CCSER1: variants seen among roughly 807,000 people sequenced by gnomAD.
The protein encoded by CCSER1 is serine-rich coiled-coil domain-containing protein 1.
In CCSER1, 41 loss-of-function variants were observed where a neutral mutation model predicts 82.0. The ratio of observed to expected loss-of-function variants is 0.50; its 90% confidence interval spans 0.39 to 0.65. CCSER1 has a LOEUF of 0.65. CCSER1 is among the 30% of genes least tolerant of loss of function. The pLI, the probability that CCSER1 is intolerant of heterozygous loss-of-function variation, is 0.00. For synonymous variants in CCSER1, 414 were observed against 383.9 expected, an observed-to-expected ratio of 1.08 and a Z score of -0.92; for missense variants, 1,119 against 1,064.2, an observed-to-expected ratio of 1.05 and a Z score of -0.72.
At chr4:91,225,351 T>C (rs1031917370) in intron 10 of CCSER1, among the ~76,000 whole-genome samples, 1 of 130,746 alleles carries the variant, frequency 7.6e-6, no homozygotes, top group Non-Finnish European at 1.6e-5. Flanking sequence ...GTAATATATA[T>C]GTATATATAT....
chr4:90,653,102 T>C (rs961508340), intron 6 of CCSER1, among the ~76,000 whole-genome samples: 11 of 152,066 alleles, frequency 7.2e-5, no homozygotes, highest in African/African-American at 2.7e-4. Flanking sequence ...CTTTATAAAA[T>C]AGATTTATTT....
intron 10 of CCSER1, among the ~76,000 whole-genome samples, chr4:91,288,096 TATATATATAGG>T (rs1404907019): frequency 1.4e-5 from 2 of 146,462 alleles, no homozygotes; most frequent in African/African-American, 5.1e-5. Flanking sequence ...ATATATAGGA[TATATATATAGG>T]ATATATATAT....
intron 9 of CCSER1, among the ~76,000 whole-genome samples, chr4:91,062,336 A>G (rs1744029470): frequency 6.6e-6 from 1 of 152,032 alleles, no homozygotes; most frequent in African/African-American, 2.4e-5. Context: ...TGTATCATTC[A>G]TGCTTAGTTA....
intron 9 of CCSER1, among the ~76,000 whole-genome samples, chr4:91,074,571 A>T (rs756336449): frequency 6.6e-6 from 1 of 152,202 alleles, no homozygotes; most frequent in Non-Finnish European, 1.5e-5. Context: ...TTATGATAGA[A>T]CTGCTGAAAC....
At chr4:90,214,597 G>T (rs1457695157) in intron 1 of CCSER1, among the ~76,000 whole-genome samples, 1 of 152,138 alleles carries the variant, frequency 6.6e-6, no homozygotes, top group African/African-American at 2.4e-5. Flanking sequence ...AAAAGTAGAT[G>T]TATTTCCTAA....
At chr4:91,282,764 A>C (rs1173662597) in intron 10 of CCSER1, among the ~76,000 whole-genome samples, 5 of 152,180 alleles carry the variant, frequency 3.3e-5, no homozygotes, top group Non-Finnish European at 5.9e-5. Context: ...AGTAAGGTTC[A>C]TTAAAATTTG....
intron 9 of CCSER1, among the ~76,000 whole-genome samples, chr4:90,999,666 C>T (rs1225042040): frequency 6.6e-6 from 1 of 152,120 alleles, no homozygotes; most frequent in Admixed American, 6.6e-5. Context: ...AATATTTTCT[C>T]CAGTTCTCTA....
chr4:90,641,542 C>T (rs769141785), intron 6 of CCSER1, among the ~76,000 whole-genome samples: 2 of 151,928 alleles, frequency 1.3e-5, no homozygotes, highest in Non-Finnish European at 2.9e-5. Context: ...GTATGTAATC[C>T]GAGTGGTTCC....
At chr4:91,190,891 A>G (rs1474115336) in intron 10 of CCSER1, among the ~76,000 whole-genome samples, 2 of 152,206 alleles carry the variant, frequency 1.3e-5, no homozygotes, top group African/African-American at 4.8e-5. Flanking sequence ...ACTTAACTTC[A>G]TGGATATGTA....
intron 9 of CCSER1, among the ~76,000 whole-genome samples, chr4:90,948,421 G>A (rs1003393887): frequency 2.0e-5 from 3 of 151,616 alleles, no homozygotes; most frequent in Non-Finnish European, 4.4e-5. Context: ...GAGTTTTAGA[G>A]ATACATATTT....
chr4:90,365,111 G>C (rs78435882), intron 3 of CCSER1, among the ~76,000 whole-genome samples: 29,442 of 151,498 alleles, frequency 0.19, 3,381 homozygotes, highest in South Asian at 0.34. Flanking sequence ...TTTTTGAGGG[G>C]AAAAAGATAA....
Position 90,257,463 on chromosome 4 carries a change from A to G in CCSER1, c.-41-50781A>G, listed in dbSNP as rs573852725. On this transcript the variant is annotated intron_variant, in intron 1 of 10. Coordinates refer to ENST00000509176, the MANE Select transcript of CCSER1 (RefSeq NM_001145065.2). ...GATTTATGCTGGTGGAAAAGAGATTAATTATGGTCTAAATAGCATAGCATG... is the reference window on the plus strand; with the variant it reads ...GATTTATGCTGGTGGAAAAGAGATTGATTATGGTCTAAATAGCATAGCATG... 3.3e-5 allele frequency among the ~76,000 whole-genome samples: 5 copies of G among 152,242 alleles called. No homozygotes were observed. The South Asian group carries it at 1.0e-3, about 32-fold the overall frequency.
intron 10 of CCSER1, among the ~76,000 whole-genome samples, chr4:91,499,922 A>C (rs1310158287): frequency 2.0e-5 from 3 of 152,194 alleles, no homozygotes; most frequent in South Asian, 2.1e-4. Context: ...TTATGAATAA[A>C]GCAGTTATAA....
chr4:91,249,237 A>C (rs575160379), intron 10 of CCSER1, among the ~76,000 whole-genome samples: 1 of 152,250 alleles, frequency 6.6e-6, no homozygotes, highest in East Asian at 1.9e-4. Flanking sequence ...CTATGTTTTT[A>C]GTTGTCACAT....
chr4:90,271,864 T>A (rs28800518), intron 1 of CCSER1, among the ~76,000 whole-genome samples: 303 of 28,286 alleles, frequency 0.011, 10 homozygotes, highest in African/African-American at 0.05. Flanking sequence ...ATATATATAT[T>A]TTTTTTTTTT....
chr4:91,444,598 C>T (rs952045966), intron 10 of CCSER1, among the ~76,000 whole-genome samples: 18 of 151,928 alleles, frequency 1.2e-4, no homozygotes, highest in African/African-American at 4.4e-4. Context: ...TACAGGCGCC[C>T]ACCACCACAC....
chr4:90,474,882 T>A (rs1363720515), intron 5 of CCSER1, among the ~76,000 whole-genome samples: 1 of 152,156 alleles, frequency 6.6e-6, no homozygotes, highest in Non-Finnish European at 1.5e-5. Context: ...GCAATAAGGA[T>A]GAAAATGAGA....
At chr4:90,972,104 C>T (rs1735165934) in intron 9 of CCSER1, among the ~76,000 whole-genome samples, 1 of 151,756 alleles carries the variant, frequency 6.6e-6, no homozygotes, top group African/African-American at 2.4e-5. Flanking sequence ...ACTCTTACCA[C>T]TTCTATTCAA....
chr4:91,049,473 C>T (rs1262900873), intron 9 of CCSER1, among the ~76,000 whole-genome samples: 2 of 152,170 alleles, frequency 1.3e-5, no homozygotes, highest in African/African-American at 4.8e-5. Context: ...AGTGGAGAAA[C>T]AGGGCAACAA....
Sources: allele counts gnomAD v4.1 joint callset (sites outside exome capture counted in the v4.1 genomes callset), GRCh38; gene constraint gnomAD v4.1.1; transcripts MANE v1.5; gene names NCBI Gene and HGNC (gene_info 2026-07-23, HGNC 2026-07-21).